FAM210A: variants seen among roughly 807,000 people sequenced by gnomAD.
FAM210A encodes mitochondrial inner membrane scaffold 1.
FAM210A carries 13 observed loss-of-function variants against 25.3 expected under a neutral mutation model. That is an observed-to-expected ratio of 0.51 (90% confidence interval 0.33 to 0.82). FAM210A has a LOEUF of 0.82. Ranked by LOEUF, FAM210A falls within the 40% of genes least tolerant of loss-of-function variation. The probability of loss-of-function intolerance (pLI) is 0.02; values close to 1 mark genes in which losing one functional copy is unlikely to be tolerated. For synonymous variants in FAM210A, 125 were observed against 118.7 expected (o/e 1.05, Z -0.35); for missense variants, 319 against 323.2 (o/e 0.99, Z 0.10).
chr18:13,674,285 A>T (rs2043472942), intron 2 of FAM210A, among the ~76,000 whole-genome samples: 2 of 14,654 alleles, frequency 1.4e-4, no homozygotes, highest in African/African-American at 7.5e-4. Context: ...CTTGATTTCC[A>T]GTTTCCTGAT....
At chr18:13,721,456 C>T (rs1601972850) in intron 1 of FAM210A, among the ~76,000 whole-genome samples, 2 of 152,196 alleles carry the variant, frequency 1.3e-5, no homozygotes, top group East Asian at 1.9e-4. Flanking sequence ...GGGTTGAATG[C>T]GAATATGTCA....
Position 13,666,255 on chromosome 18 carries a change from C to A in FAM210A, c.*225G>T. On this transcript the variant is annotated 3_prime_UTR_variant, in exon 4 of 4. Coordinates refer to ENST00000651643, the MANE Select transcript of FAM210A (RefSeq NM_152352.4). ...CTAAGACATTAACCACTGCTTAATA[C>A]TGCTACTGATGGCAAATTCTTAAAC... 1.9e-6 allele frequency: 1 copy of A among 517,146 alleles called. No homozygotes were observed. The allele number at this position is 517,146 out of a possible 1,614,324, so 32.0% of individuals were successfully genotyped here.
chr18:13,691,583 G>T (rs1211854420), intron 1 of FAM210A, among the ~76,000 whole-genome samples: 1 of 152,084 alleles, frequency 6.6e-6, no homozygotes, highest in Non-Finnish European at 1.5e-5. Context: ...CAAGCCAGAA[G>T]AGAGTGGGGG....
At chr18:13,696,723 A>T (rs533951514) in intron 1 of FAM210A, among the ~76,000 whole-genome samples, 2 of 152,356 alleles carry the variant, frequency 1.3e-5, no homozygotes, top group South Asian at 4.1e-4. Flanking sequence ...AAAATAAAAT[A>T]AAAATGAAAA....
intron 1 of FAM210A, among the ~76,000 whole-genome samples, chr18:13,711,421 TAAACA>T (rs2043820464): frequency 6.6e-6 from 1 of 151,716 alleles, no homozygotes; most frequent in Admixed American, 6.6e-5. Context: ...AAAAACAAAA[TAAACA>T]AAACAAAAAA....
At chr18:13,688,384 G>A (rs12955116) in intron 1 of FAM210A, among the ~76,000 whole-genome samples, 51,889 of 152,030 alleles carry the variant, frequency 0.34, 10,825 homozygotes, top group East Asian at 0.83. Flanking sequence ...AGAAGTGGCT[G>A]GACGTCAGGA....
chr18:13,700,343 C>T (rs1230053232), intron 1 of FAM210A, among the ~76,000 whole-genome samples: 1 of 152,210 alleles, frequency 6.6e-6, no homozygotes, highest in East Asian at 1.9e-4. Context: ...CACTCTGGCC[C>T]ACTTCCCTAT....
intron 1 of FAM210A, among the ~76,000 whole-genome samples, chr18:13,709,659 T>A (rs2043806812): frequency 6.6e-6 from 1 of 152,256 alleles, no homozygotes; most frequent in Non-Finnish European, 1.5e-5. Flanking sequence ...TGTTTACTAC[T>A]TATGGTCCCC....
intron 1 of FAM210A, among the ~76,000 whole-genome samples, chr18:13,719,253 T>A (rs1353732892): frequency 2.9e-5 from 4 of 138,966 alleles, no homozygotes; most frequent in African/African-American, 8.0e-5. Flanking sequence ...ATTGCAGTAT[T>A]TCAGATAGCA....
chr18:13,681,539 A>G lies in FAM210A; in HGVS notation c.473+66T>C, dbSNP rs574488382. 19 of 1,236,024 alleles carry G rather than the reference A, an allele frequency of 1.5e-5. No individual in the cohort carries two copies. The African/African-American group carries it at 2.6e-4, about 17-fold the overall frequency. The allele number at this position is 1,236,024 out of a possible 1,614,324, so 76.6% of individuals were successfully genotyped here. A position where few individuals can be genotyped will look rare whatever the true frequency, so the allele number is the denominator to read the frequency against. On this transcript the variant is annotated intron_variant, in intron 2 of 3. Transcript: ENST00000651643. ...CATTTAAAAATCTAAAGCTATCATTAGTACAATTAAAAAGATTAATATTCT... is the reference window on the plus strand; with the variant it reads ...CATTTAAAAATCTAAAGCTATCATTGGTACAATTAAAAAGATTAATATTCT...
At chr18:13,694,229 CACAA>C (rs1465790173) in intron 1 of FAM210A, among the ~76,000 whole-genome samples, 3 of 151,344 alleles carry the variant, frequency 2.0e-5, no homozygotes, top group Non-Finnish European at 4.4e-5. Context: ...TAAAAGAGGA[CACAA>C]ACAAATGGAG....
At chr18:13,704,439 CT>C (rs2043762993) in intron 1 of FAM210A, among the ~76,000 whole-genome samples, 1 of 152,160 alleles carries the variant, frequency 6.6e-6, no homozygotes, top group African/African-American at 2.4e-5. Flanking sequence ...AACTGATCTA[CT>C]CTTTCACAAA....
At chr18:13,724,099 G>C (rs548934509) in intron 1 of FAM210A, among the ~76,000 whole-genome samples, 13 of 151,668 alleles carry the variant, frequency 8.6e-5, no homozygotes, top group African/African-American at 3.1e-4. Flanking sequence ...TTACAAATGG[G>C]TTGAAATAAA....
At chr18:13,709,064 C>T (rs375563950) in intron 1 of FAM210A, among the ~76,000 whole-genome samples, 1 of 152,212 alleles carries the variant, frequency 6.6e-6, no homozygotes, top group Admixed American at 6.5e-5. Flanking sequence ...TCTGTCTGCT[C>T]CGTGACAGTC....
At chr18:13,679,840 A>G (rs2043536191) in intron 2 of FAM210A, among the ~76,000 whole-genome samples, 1 of 152,258 alleles carries the variant, frequency 6.6e-6, no homozygotes, top group Non-Finnish European at 1.5e-5. Context: ...CAGCTGCTTC[A>G]GATGCCCACA....
At chr18:13,723,394 C>A (rs2043912028) in intron 1 of FAM210A, among the ~76,000 whole-genome samples, 1 of 152,164 alleles carries the variant, frequency 6.6e-6, no homozygotes, top group Non-Finnish European at 1.5e-5. Context: ...ACATAAATAT[C>A]TTCATCTACA....
intron 1 of FAM210A, among the ~76,000 whole-genome samples, chr18:13,716,344 A>C (rs78629441): frequency 0.014 from 2,173 of 152,294 alleles, 49 homozygotes; most frequent in African/African-American, 0.049. Flanking sequence ...CCCCAGCTCC[A>C]ATGATGGATC....
intron 2 of FAM210A, among the ~76,000 whole-genome samples, chr18:13,680,655 T>G (rs2043545421): frequency 6.6e-6 from 1 of 152,206 alleles, no homozygotes; most frequent in Non-Finnish European, 1.5e-5. Context: ...TGTCTTGATA[T>G]CAAGCCATTA....
intron 1 of FAM210A, among the ~76,000 whole-genome samples, chr18:13,700,361 G>C (rs2043729297): frequency 6.6e-6 from 1 of 152,198 alleles, no homozygotes; most frequent in Non-Finnish European, 1.5e-5. Flanking sequence ...TATAGCTGCT[G>C]AGAGTCACAT....
Sources: gnomAD v4.1 joint callset for allele counts (sites outside exome capture counted in the v4.1 genomes callset) on GRCh38, gnomAD v4.1.1 for gene constraint, MANE v1.5 for transcripts, NCBI Gene and HGNC (gene_info 2026-07-23, HGNC 2026-07-21) for gene names.